The following SDK1 variants were observed in gnomAD, a reference collection of about 807,000 sequenced individuals.
SDK1 encodes protein sidekick-1.
SDK1 carries 157 observed loss-of-function variants against 245.5 expected under a neutral mutation model. That is an observed-to-expected ratio of 0.64 (90% CI 0.56 to 0.73). SDK1 has a LOEUF of 0.73. Ranked by LOEUF, SDK1 falls within the 30% of genes least tolerant of loss-of-function variation. The pLI is 0.00. For missense variants in SDK1, 3,583 were observed against 3,002.3 expected (o/e 1.19, Z -4.52); for synonymous variants, 1,647 against 1,278.5 (o/e 1.29, Z -6.15).
At chr7:4,162,583 A>G (rs1284743587) in intron 32 of SDK1, among the ~76,000 whole-genome samples, 1 of 151,906 alleles carries the variant, frequency 6.6e-6, no homozygotes, top group Non-Finnish European at 1.5e-5. Context: ...TATTTTTAGT[A>G]GAGATGGGGT....
chr7:3,535,745 A>G (rs1330918870), intron 1 of SDK1, among the ~76,000 whole-genome samples: 2 of 152,182 alleles, frequency 1.3e-5, no homozygotes, highest in African/African-American at 4.8e-5. Context: ...TTGAAAATAC[A>G]TAAATACATG....
intron 22 of SDK1, among the ~76,000 whole-genome samples, chr7:4,107,221 G>C (rs1277675634): frequency 4.0e-5 from 6 of 151,894 alleles, no homozygotes. Context: ...AGGTGAATGA[G>C]CGTCCGCAGT....
chr7:4,016,209 A>G (rs1375608262), intron 16 of SDK1, among the ~76,000 whole-genome samples: 4 of 152,228 alleles, frequency 2.6e-5, no homozygotes, highest in African/African-American at 9.6e-5. Flanking sequence ...GAGCCTGAAG[A>G]TTTCCACATG....
chr7:3,489,877 T>G (rs751868173), intron 1 of SDK1, among the ~76,000 whole-genome samples: 17 of 152,240 alleles, frequency 1.1e-4, no homozygotes, highest in Non-Finnish European at 2.2e-4. Flanking sequence ...AATTATGGGA[T>G]GCTGTAATGT....
At chr7:3,344,554 T>C (rs1780442407) in intron 1 of SDK1, among the ~76,000 whole-genome samples, 1 of 152,180 alleles carries the variant, frequency 6.6e-6, no homozygotes, top group Non-Finnish European at 1.5e-5. Flanking sequence ...CCAGGCTGAA[T>C]AAAAATGTGA....
At chr7:4,072,134 A>C (rs926578688) in intron 20 of SDK1, among the ~76,000 whole-genome samples, 4 of 152,234 alleles carry the variant, frequency 2.6e-5, no homozygotes, top group African/African-American at 9.6e-5. Flanking sequence ...TATTTAAACA[A>C]ATACCTGTAG....
rs567460438 is a variant in SDK1, at chr7:3,532,891, C to A, written c.299-86189C>A. On this transcript the variant is annotated intron_variant, in intron 1 of 44. Coordinates refer to ENST00000404826, the MANE Select transcript of SDK1 (RefSeq NM_152744.4). The stretch of plus-strand genomic sequence containing the variant: ...TTAGCCCTCTTTCCCTCCTTGTTCT[C>A]CTCCCTGCCTCTGGACTCATTGTCA... 2.6e-5 allele frequency among the ~76,000 whole-genome samples: 4 copies of A among 152,244 alleles called. No homozygotes were observed. In the South Asian group the frequency reaches 8.3e-4, roughly 32 times the overall value.
chr7:3,685,559 A>G lies in SDK1; in HGVS notation c.713+43454A>G, dbSNP rs551155945. On this transcript the variant is annotated intron_variant, in intron 4 of 44. Transcript: ENST00000404826. ...AAAATAGGGGCAAATATAATACACA[A>G]TCAAACTTCTGTTGAGGTTCATATG... is the stretch of plus-strand genomic sequence containing the variant. Among the ~76,000 whole-genome samples, 6 of 152,342 alleles carry G rather than the reference A, an allele frequency of 3.9e-5. No homozygotes were observed. The East Asian group carries it at 7.7e-4, about 20-fold the overall frequency.
chr7:3,344,746 T>G (rs1212620523), intron 1 of SDK1, among the ~76,000 whole-genome samples: 2 of 152,188 alleles, frequency 1.3e-5, no homozygotes, highest in Non-Finnish European at 2.9e-5. Flanking sequence ...AGTGTATAAT[T>G]TACCTTTTCA....
chr7:3,399,067 C>G (rs1778812261), intron 1 of SDK1, among the ~76,000 whole-genome samples: 1 of 152,100 alleles, frequency 6.6e-6, no homozygotes, highest in Non-Finnish European at 1.5e-5. Context: ...TTCTTTCTCT[C>G]TTCTTTTAGG....
intron 1 of SDK1, among the ~76,000 whole-genome samples, chr7:3,548,840 C>T (rs543497326): frequency 6.6e-6 from 1 of 152,172 alleles, no homozygotes; most frequent in South Asian, 2.1e-4. Context: ...TATTTTGTAT[C>T]CTTTTATCAT....
rs148033924 is a variant in SDK1 at position 4,139,257 on chromosome 7, G to A, written c.4229-6465G>A. On this transcript the variant is annotated intron_variant, in intron 28 of 44. Transcript: ENST00000404826. The stretch of plus-strand genomic sequence containing the variant: ...TCCTGGCCTCAAGGTCTGTTCGTGG[G>A]GCACCCACCCTAGGGCCAAAGGTGA... Among the ~76,000 whole-genome samples, 713 of 152,154 alleles carry A rather than the reference G, an allele frequency of 4.7e-3. 7 individuals are homozygous for A. Among genetic ancestry groups the A allele is most frequent in the African/African-American group, 0.016 (682 of 41,536 alleles).
At chr7:3,490,831 A>G (rs1326862096) in intron 1 of SDK1, among the ~76,000 whole-genome samples, 2 of 152,192 alleles carry the variant, frequency 1.3e-5, no homozygotes, top group Admixed American at 1.3e-4. Flanking sequence ...CTTTTAGTAT[A>G]TACTCTCCCT....
At chr7:4,076,875 C>G (rs13223359) in intron 20 of SDK1, 123 bp from the exon 21 acceptor site, 229,727 of 773,648 alleles carry the variant, frequency 0.3, 36,175 homozygotes, top group African/African-American at 0.4. Context: ...TGGCTCTAAG[C>G]TGCCTTCAGC....
At chr7:4,106,128 A>G (rs549937437) in intron 22 of SDK1, among the ~76,000 whole-genome samples, 1 of 152,208 alleles carries the variant, frequency 6.6e-6, no homozygotes, top group Non-Finnish European at 1.5e-5. Flanking sequence ...ATGCTCAGCA[A>G]AACAACAGCC....
intron 17 of SDK1, among the ~76,000 whole-genome samples, chr7:4,019,522 A>T (rs1208962416): frequency 6.6e-6 from 1 of 152,088 alleles, no homozygotes; most frequent in African/African-American, 2.4e-5. Context: ...TTACTAAATT[A>T]TGCATTGCTC....
intron 1 of SDK1, among the ~76,000 whole-genome samples, chr7:3,567,181 C>A (rs571381712): frequency 1.3e-5 from 2 of 152,274 alleles, no homozygotes; most frequent in Admixed American, 6.5e-5. Context: ...AGGATTTGGT[C>A]ACTTTTCGTG....
chr7:3,815,824 A>C (rs1779494627), intron 4 of SDK1, among the ~76,000 whole-genome samples: 1 of 149,754 alleles, frequency 6.7e-6, no homozygotes, highest in African/African-American at 2.5e-5. Flanking sequence ...ACCTATTCCA[A>C]AATTGACCAC....
rs566793759 is a variant in SDK1 at position 3,380,879 on chromosome 7, T to G, written c.298+78995T>G. 2.0e-5 allele frequency among the ~76,000 whole-genome samples: 3 copies of G among 152,296 alleles called. No homozygotes were observed. In the East Asian group the frequency reaches 5.8e-4, roughly 29 times the overall value. On this transcript the variant is annotated intron_variant, in intron 1 of 44. Coordinates refer to ENST00000404826, the MANE Select transcript of SDK1 (RefSeq NM_152744.4). Reference sequence around the variant, plus strand: ...CACCCCCATTAGACTTCCGTTTATATTTCAGTGACCAGAACTGTGAGAAAG... The same window carrying G: ...CACCCCCATTAGACTTCCGTTTATAGTTCAGTGACCAGAACTGTGAGAAAG...
Sources: allele counts gnomAD v4.1 joint callset (sites outside exome capture counted in the v4.1 genomes callset), GRCh38; gene constraint gnomAD v4.1.1; transcripts MANE v1.5; gene names NCBI Gene and HGNC (gene_info 2026-07-23, HGNC 2026-07-21).